Variants in NAALADL1 observed in about 807,000 individuals in gnomAD.
NAALADL1 encodes the protein N-acetylated alpha-linked acidic dipeptidase like 1.
Under a neutral mutation model 82.8 loss-of-function variants are expected in NAALADL1, and 77 were observed. The observed-to-expected ratio is 0.93, with a 90% CI of 0.77 to 1.12. The LOEUF (loss-of-function observed/expected upper bound fraction) is 1.12. NAALADL1 is among the 50% of genes most tolerant of loss of function. The pLI is 0.00. For synonymous variants in NAALADL1, 358 were observed against 399.2 expected, an observed-to-expected ratio of 0.90 and a Z score of 1.23; for missense variants, 956 against 964.0, an observed-to-expected ratio of 0.99 and a Z score of 0.11.
rs750743859 is a variant in NAALADL1, at chr11:65,048,038, G to A, written c.1359C>T (p.Thr453=). The A allele has an allele frequency of 1.7e-5, 28 of 1,613,962 alleles. No homozygotes were observed. In the East Asian group the frequency reaches 6.0e-4, roughly 35 times the overall value. The part of the protein sequence containing the change: ...NVDISVFANA[T]LRVQGTPPVQ... ...CAGGGGGCGTCCCCTGCACCCTAAG[G>A]GTAGCGTTGGCTGTGGGAGGAGGGG... is the stretch of plus-strand genomic sequence containing the variant. Residue 453 remains threonine (T), a synonymous_variant, in exon 11 of 18, where the codon ACC becomes ACT. Transcript: ENST00000358658.
intron 10 of NAALADL1, 38 bp from the exon 11 acceptor site, chr11:65,048,086 C>T: frequency 6.2e-7 from 1 of 1,613,958 alleles, no homozygotes; most frequent in Non-Finnish European, 8.5e-7. Flanking sequence ...TGGGCCCCAG[C>T]CCCTTCTTTT....
In NAALADL1 at chr11:65,047,582, G is replaced by C; in HGVS notation, c.1509-17C>G. Reference sequence around the variant, plus strand: ...GAACCCAAGCTGCGGGAAGGAAGGGGGCCGGGATAAAGAGCGCTGGGCCGG... The same window carrying C: ...GAACCCAAGCTGCGGGAAGGAAGGGCGCCGGGATAAAGAGCGCTGGGCCGG... On this transcript the variant is annotated splice_polypyrimidine_tract_variant and intron_variant, in intron 12 of 17. Transcript: ENST00000358658. 6.4e-7 allele frequency: 1 copy of C among 1,573,976 alleles called. No homozygotes were observed. Among genetic ancestry groups the C allele is most frequent in the Non-Finnish European group, 8.6e-7 (1 of 1,160,054 alleles).
chr11:65,057,872 C>T lies in NAALADL1; in HGVS notation c.480+3G>A. 1.2e-6 allele frequency: 2 copies of T among 1,613,642 alleles called. No individual in the cohort carries two copies. Among genetic ancestry groups the T allele is most frequent in the Non-Finnish European group, 1.7e-6 (2 of 1,179,924 alleles). The stretch of plus-strand genomic sequence containing the variant: ...AGAGCAGTAGGGGGGGTTCTGGGCC[C>T]ACCTGTGGGGTTCCAGAAGGAGCAT... On this transcript the variant is annotated splice_donor_region_variant and intron_variant, in intron 3 of 17. Transcript: ENST00000358658.
At chr11:65,055,140 G>A (rs901474547) in intron 4 of NAALADL1, among the ~76,000 whole-genome samples, 12 of 152,236 alleles carry the variant, frequency 7.9e-5, no homozygotes, top group East Asian at 1.9e-4. Context: ...GGTGGCTCAC[G>A]CCTGTAATCC....
chr11:65,052,811 C>T (rs566221), intron 8 of NAALADL1, among the ~76,000 whole-genome samples: 47,931 of 152,062 alleles, frequency 0.32, 8,213 homozygotes, highest in East Asian at 0.76. Flanking sequence ...AGCACTGAAA[C>T]GCTGAAGTGC....
At chr11:65,051,692 A>G (rs1946894506) in intron 8 of NAALADL1, among the ~76,000 whole-genome samples, 2 of 152,192 alleles carry the variant, frequency 1.3e-5, no homozygotes, top group South Asian at 4.1e-4. Context: ...GGAGTTTGAC[A>G]GCAGTGGCGT....
intron 13 of NAALADL1, 47 bp from the exon 14 acceptor site, chr11:65,046,573 G>A (rs528644868): frequency 1.3e-6 from 2 of 1,588,704 alleles, no homozygotes; most frequent in Non-Finnish European, 1.7e-6. Flanking sequence ...TGGGAAGTGG[G>A]AGAAGGTGTA....
At chr11:65,058,569 C>T, upstream of NAALADL1, 2 of 1,466,586 alleles carry the variant, frequency 1.4e-6, no homozygotes, top group Non-Finnish European at 1.8e-6. Context: ...ATAGGTTATT[C>T]CCTATAGAGG....
chr11:65,057,389 A>C lies in NAALADL1; in HGVS notation c.585T>G (p.Gly195=), dbSNP rs750963809. The C allele has an allele frequency of 2.5e-6, 4 of 1,613,058 alleles. No homozygotes were observed. The highest frequency in any genetic ancestry group is 2.5e-6 in the Non-Finnish European group (3 of 1,179,648). ...EGTIALTRYG[G]VGRGAKAVNA... The stretch of plus-strand genomic sequence containing the variant: ...CACTCACCTTGGCCCCACGCCCTAC[A>C]CCCCCATATCGAGTCAGGGCAATGG... The change falls in exon 4 of 18, where the codon GGT becomes GGG. Residue 195 remains glycine (G), a synonymous_variant. Coordinates refer to ENST00000358658, the MANE Select transcript of NAALADL1 (RefSeq NM_005468.3).
chr11:65,054,741 G>T lies in NAALADL1; in HGVS notation c.604-3C>A. 6.2e-7 allele frequency: 1 copy of T among 1,612,522 alleles called. No homozygotes were observed. Among genetic ancestry groups the T allele is most frequent in the South Asian group, 1.1e-5 (1 of 91,042 alleles). ...CCGTGCTTGGCAGCGTTCACAGCCT[G>T]CAGTGGGCAGAGGAGGCTGTGTGTA... is the stretch of plus-strand genomic sequence containing the variant. On this transcript the variant is annotated splice_polypyrimidine_tract_variant and splice_region_variant and intron_variant, in intron 4 of 17. Transcript: ENST00000358658. The surrounding 1 kb of genome is among the most constrained non-coding windows in gnomAD (Gnocchi z 4.3).
intron 4 of NAALADL1, among the ~76,000 whole-genome samples, chr11:65,055,748 G>A (rs1947020261): frequency 6.6e-6 from 1 of 152,060 alleles, no homozygotes; most frequent in Non-Finnish European, 1.5e-5. Flanking sequence ...AGTGGTGATG[G>A]TTAATTAATA....
chr11:65,053,656 G>T lies in NAALADL1; in HGVS notation c.993-80C>A. 7.8e-7 allele frequency: 1 copy of T among 1,283,148 alleles called. No homozygotes were observed. The allele number at this position is 1,283,148 out of a possible 1,614,324, so 79.5% of individuals were successfully genotyped here. ...CCAGTGCAGGAGACACTGAGGCCCG[G>T]AGCTGGAAAGTGACGTGGCAAGGCC... On this transcript the variant is annotated intron_variant, in intron 6 of 17. Coordinates refer to ENST00000358658, the MANE Select transcript of NAALADL1 (RefSeq NM_005468.3). This position sits in a 1 kb window ranked among gnomAD's most constrained non-coding sequence, Gnocchi z 4.3.
At chr11:65,050,858 T>G (rs1946867587) in intron 8 of NAALADL1, among the ~76,000 whole-genome samples, 1 of 152,134 alleles carries the variant, frequency 6.6e-6, no homozygotes, top group African/African-American at 2.4e-5. Flanking sequence ...CAAGGCTTTT[T>G]TCCCCTATTT....
intron 3 of NAALADL1, 88 bp from the exon 4 acceptor site, chr11:65,057,581 G>T: frequency 6.7e-7 from 1 of 1,492,658 alleles, no homozygotes; most frequent in Admixed American, 2.2e-5. Flanking sequence ...GCAGGAGGGA[G>T]AATTTAGATT....
In NAALADL1 at chr11:65,058,081, T is replaced by A. The variant is rs1412444608; in HGVS notation, c.355A>T (p.Ile119Phe). The A allele has an allele frequency of 6.2e-7, 1 of 1,610,518 alleles. No homozygotes were observed. Among genetic ancestry groups the A allele is most frequent in the African/African-American group, 1.3e-5 (1 of 74,872 alleles). The change falls in exon 2 of 18, where the codon ATC (isoleucine) becomes TTC (phenylalanine). Residue 119 changes from isoleucine to phenylalanine, a missense_variant. By Grantham distance (21) the Ile-to-Phe change is conservative. Transcript: ENST00000358658. ...CCAAGACTGGGCAGGACCTCACCGA[T>A]GTCCACGACGTTGGGCTGCTCCTGG... ...PSQEQPNVVD[I>F]VGPTGGIIHS...
At position 65,058,000 on chromosome 11, in the gene NAALADL1, T is replaced by G. The variant is rs781237646; in HGVS notation, c.359-4A>C. On this transcript the variant is annotated splice_polypyrimidine_tract_variant and splice_region_variant and intron_variant, in intron 2 of 17. Coordinates refer to ENST00000358658, the MANE Select transcript of NAALADL1 (RefSeq NM_005468.3). ...ATGATGCCCCCAGTGGGGCCCACTG[T>G]TGGAGGGGTGGCAGTATCATGGCTG... The G allele has an allele frequency of 4.3e-6, 7 of 1,613,978 alleles. No individual in the cohort carries two copies. The Admixed American group carries it at 1.2e-4, about 27-fold the overall frequency.
chr11:65,057,356 G>GGAGGGA lies in NAALADL1; in HGVS notation c.603+14_603+15insTCCCTC. ...TCCTCACCGAGGCCTCCTGCACTGG[G>GGAGGGA]GGACTGCCACTCACCTTGGCCCCAC... On this transcript the variant is annotated intron_variant, in intron 4 of 17. Coordinates refer to ENST00000358658, the MANE Select transcript of NAALADL1 (RefSeq NM_005468.3). 6.3e-7 allele frequency: 1 copy of GGAGGGA among 1,598,470 alleles called. No individual in the cohort carries two copies. Among genetic ancestry groups the GGAGGGA allele is most frequent in the Non-Finnish European group, 8.5e-7 (1 of 1,172,774 alleles).
chr11:65,046,528 T>TG lies in NAALADL1; in HGVS notation c.1600-3dup. On this transcript the variant is annotated splice_region_variant and splice_polypyrimidine_tract_variant and intron_variant, in intron 13 of 17. Coordinates refer to ENST00000358658, the MANE Select transcript of NAALADL1 (RefSeq NM_005468.3). ...GTAGATCCTGGCTGAAGTCTTGCTC[T>TG]GGGGGAACAAAGCCCAGAGGTGACA... is the stretch of plus-strand genomic sequence containing the variant. 3.1e-6 allele frequency: 5 copies of TG among 1,614,110 alleles called. No homozygotes were observed. The highest frequency in any genetic ancestry group is 4.2e-6 in the Non-Finnish European group (5 of 1,179,988).
chr11:65,047,388 G>C, intron 13 of NAALADL1, 87 bp downstream of exon 13: 1 of 1,150,476 alleles, frequency 8.7e-7, no homozygotes, highest in South Asian at 1.5e-5. Context: ...AAGGTGCAGG[G>C]TTCAGTCTGT....
Sources: allele counts gnomAD v4.1 joint callset (sites outside exome capture counted in the v4.1 genomes callset), GRCh38; gene constraint gnomAD v4.1.1; non-coding constraint Gnocchi (gnomAD v3.1); transcripts MANE v1.5; gene names NCBI Gene and HGNC (gene_info 2026-07-23, HGNC 2026-07-21).